The following CIB1 variants were observed in gnomAD, a reference collection of about 807,000 sequenced individuals.
CIB1 encodes the protein calcium and integrin-binding protein 1.
In CIB1, 19 loss-of-function variants were observed where a neutral mutation model predicts 25.0. That is an observed-to-expected ratio of 0.76 (90% CI 0.53 to 1.12). The LOEUF is 1.12. Among genes scored for constraint, CIB1 ranks in the 50% most tolerant of loss-of-function variants. The pLI, the probability that CIB1 is intolerant of heterozygous loss-of-function variation, is 0.00. For missense variants in CIB1, 236 were observed against 242.6 expected, an observed-to-expected ratio of 0.97 and a Z score of 0.18; for synonymous variants, 104 against 98.5, an observed-to-expected ratio of 1.06 and a Z score of -0.33.
chr15:90,251,112 G>GGCTTTTTTT, the CIB1 span, among the ~76,000 whole-genome samples: 1 of 97,134 alleles, frequency 1.0e-5, no homozygotes, highest in Non-Finnish European at 2.0e-5. Flanking sequence ...ATCCTGGTCT[G>GGCTTTTTTT]TCTTTTTTTT....
chr15:90,257,553 G>A, the CIB1 span: 1 of 1,270,216 alleles, frequency 7.9e-7, no homozygotes, highest in Non-Finnish European at 1.1e-6. Flanking sequence ...CCTCGGGAGG[G>A]GTGGGGAGCA....
chr15:90,243,024 AG>A, the CIB1 span: 2 of 152,024 alleles, frequency 1.3e-5, no homozygotes, highest in African/African-American at 4.8e-5. Context: ...TTCAAGCCCC[AG>A]GGGTGTTAAA....
chr15:90,234,228 T>C (rs1368453107), upstream of CIB1: 31 of 255,980 alleles, frequency 1.2e-4, 1 homozygote, highest in Non-Finnish European at 2.1e-4. Flanking sequence ...ACGGGCGTCA[T>C]GACCTCGCTG....
upstream of CIB1, among the ~76,000 whole-genome samples, chr15:90,238,300 T>TA (rs529066806): frequency 1.3e-4 from 19 of 150,338 alleles, no homozygotes; most frequent in South Asian, 8.4e-4. Flanking sequence ...ATTCTGTCTT[T>TA]AAAAAAAAAA....
the CIB1 span, chr15:90,258,801 C>T: frequency 6.2e-7 from 1 of 1,614,162 alleles, no homozygotes; most frequent in Non-Finnish European, 8.5e-7. Context: ...GTAAAGGATG[C>T]ACTTCTCTGT....
chr15:90,256,080 T>C, the CIB1 span: 1 of 1,592,498 alleles, frequency 6.3e-7, no homozygotes, highest in Non-Finnish European at 8.6e-7. Flanking sequence ...AAGAGCTCCA[T>C]GCGGCCCCGG....
upstream of CIB1, among the ~76,000 whole-genome samples, chr15:90,237,699 C>G (rs953702595): frequency 1.3e-5 from 2 of 152,076 alleles, no homozygotes; most frequent in Admixed American, 1.3e-4. Context: ...CTAAGATTAT[C>G]TCTTTTTTTT....
the CIB1 span, among the ~76,000 whole-genome samples, chr15:90,246,391 C>T: frequency 2.6e-5 from 4 of 152,086 alleles, no homozygotes; most frequent in African/African-American, 7.2e-5. Flanking sequence ...TGTGGGGTAA[C>T]AGCTTTGCAT....
Position 90,233,837 on chromosome 15 carries a change from G to C in CIB1, c.49C>G (p.Gln17Glu). 1.9e-6 allele frequency: 3 copies of C among 1,540,620 alleles called. No homozygotes were observed. Among genetic ancestry groups the C allele is most frequent in the Non-Finnish European group, 2.6e-6 (3 of 1,142,632 alleles). Residue 17 changes from glutamine to glutamate, a missense_variant and splice_region_variant, in exon 1 of 7, where the codon CAG becomes GAG. Gln to Glu is a conservative substitution (Grantham distance 29). Coordinates refer to ENST00000328649, the MANE Select transcript of CIB1 (RefSeq NM_006384.4). The part of the protein sequence containing the change: ...RLSKELLAEY[Q>E]DLTFLTKQEI... Reference sequence around the variant, plus strand: ...CCAGGGCCAGGCGTCCCGCGCACCTGGTACTCGGCCAGCAGCTCCTTGGAC... The same window carrying C: ...CCAGGGCCAGGCGTCCCGCGCACCTCGTACTCGGCCAGCAGCTCCTTGGAC...
In CIB1 at chr15:90,232,210, C is replaced by T. The variant is rs762567803; in HGVS notation, c.195+9G>A. 1.3e-5 allele frequency: 21 copies of T among 1,603,698 alleles called. No individual in the cohort carries two copies. The Middle Eastern group carries it at 5.0e-4, about 38-fold the overall frequency. On this transcript the variant is annotated intron_variant, in intron 3 of 6. Coordinates refer to ENST00000328649, the MANE Select transcript of CIB1 (RefSeq NM_006384.4). ...TGGGAGAGGTGTCAAAGGAGGGGAG[C>T]GCTTGCACCTTGAGCTCTGGAAGGC...
chr15:90,262,539 C>T, the CIB1 span: 27 of 1,529,422 alleles, frequency 1.8e-5, no homozygotes, highest in African/African-American at 2.8e-5. Flanking sequence ...CAGGAGACCT[C>T]GGGCACTAAG....
chr15:90,230,191 C>T lies in CIB1; in HGVS notation c.*293G>A. ...TGCTTATTCCTAGGATGATTGAAGG[C>T]TCTTAGAAGAGAAGTCCAGTCCTTC... is the stretch of plus-strand genomic sequence containing the variant. On this transcript the variant is annotated 3_prime_UTR_variant, in exon 7 of 7. Transcript: ENST00000328649. 2 of 485,924 alleles carry T rather than the reference C, an allele frequency of 4.1e-6. No homozygotes were observed. The highest frequency in any genetic ancestry group is 3.7e-6 in the Non-Finnish European group (1 of 269,568). The allele number at this position is 485,924 out of a possible 1,614,324, so 30.1% of individuals were successfully genotyped here.
At chr15:90,233,795 G>A (rs896261801) in intron 1 of CIB1, 40 bp downstream of exon 1, 1 of 1,550,494 alleles carries the variant, frequency 6.4e-7, no homozygotes, top group South Asian at 1.2e-5. Context: ...CCGAGAAGAG[G>A]CCCGCACGCG....
chr15:90,252,326 C>T, the CIB1 span, among the ~76,000 whole-genome samples: 2 of 152,062 alleles, frequency 1.3e-5, no homozygotes, highest in Non-Finnish European at 2.9e-5. Flanking sequence ...CATGAGCCAC[C>T]ATGCCCAGCC....
the CIB1 span, chr15:90,262,736 T>C: frequency 7.3e-7 from 1 of 1,376,792 alleles, no homozygotes; most frequent in Non-Finnish European, 9.6e-7. Flanking sequence ...GATAGGGGAA[T>C]GAATCTCTGC....
At chr15:90,244,805 C>CTCAAAATATTT in the CIB1 span, 1 of 151,996 alleles carries the variant, frequency 6.6e-6, no homozygotes, top group Non-Finnish European at 1.5e-5. Flanking sequence ...GGCGATAGTG[C>CTCAAAATATTT]GAGACTCAGT....
the CIB1 span, chr15:90,256,150 C>T: frequency 2.6e-5 from 42 of 1,614,100 alleles, no homozygotes; most frequent in Middle Eastern, 1.6e-4. Context: ...GCTATGGGGA[C>T]TTCCAGTCCT....
At chr15:90,264,088 T>C in the CIB1 span, 4 of 1,390,120 alleles carry the variant, frequency 2.9e-6, no homozygotes, top group Admixed American at 6.0e-5. Flanking sequence ...TTTGGTCATT[T>C]TGACATATGT....
At chr15:90,237,547 G>A (rs1009660939), upstream of CIB1, among the ~76,000 whole-genome samples, 5 of 151,998 alleles carry the variant, frequency 3.3e-5, no homozygotes, top group African/African-American at 1.2e-4. Flanking sequence ...GCCTCCCAAT[G>A]TGCTGGTCCA....
Sources: gnomAD v4.1 joint callset for allele counts (sites outside exome capture counted in the v4.1 genomes callset) on GRCh38, gnomAD v4.1.1 for gene constraint, MANE v1.5 for transcripts, NCBI Gene and HGNC (gene_info 2026-07-23, HGNC 2026-07-21) for gene names.